DCP1A: variants seen among roughly 807,000 people sequenced by gnomAD.
The protein encoded by DCP1A is decapping mRNA 1A.
Under a neutral mutation model 58.0 loss-of-function variants are expected in DCP1A, and 20 were observed. The observed-to-expected ratio is 0.34, with a 90% confidence interval of 0.24 to 0.50. The LOEUF (loss-of-function observed/expected upper bound fraction) is 0.50, where lower values mean the gene tolerates loss of function less well. Ranked by LOEUF, DCP1A falls within the 20% of genes least tolerant of loss-of-function variation. DCP1A has a pLI of 0.98. For synonymous variants in DCP1A, 285 were observed against 275.1 expected (o/e 1.04, Z -0.36); for missense variants, 613 against 712.2 (o/e 0.86, Z 1.59).
At chr3:53,304,454 T>A (rs1553687769) in intron 5 of DCP1A, among the ~76,000 whole-genome samples, 164 bp from the exon 6 acceptor site, 1 of 152,194 alleles carries the variant, frequency 6.6e-6, no homozygotes, top group African/African-American at 2.4e-5. Context: ...TAACATGCAA[T>A]AAAATTTCTA....
Position 53,292,956 on chromosome 3 carries a change from A to C in DCP1A, c.625-129T>G, listed in dbSNP as rs1049457641. On this transcript the variant is annotated intron_variant, in intron 6 of 9. Coordinates refer to ENST00000610213, the MANE Select transcript of DCP1A (RefSeq NM_018403.7). Reference sequence around the variant, plus strand: ...GGAGTATCAAAATAAGGAACGGAAAAAACTGAAGATATACTAAGGATTAAG... The same window carrying C: ...GGAGTATCAAAATAAGGAACGGAAACAACTGAAGATATACTAAGGATTAAG... 9 of 948,210 alleles carry C rather than the reference A, an allele frequency of 9.5e-6. No individual in the cohort carries two copies. The South Asian group carries it at 1.6e-4, about 17-fold the overall frequency. 58.7% of individuals were successfully genotyped at this position (948,210 alleles called of 1,614,324 possible).
rs555136651 is a variant in DCP1A, at chr3:53,343,365, G to A, written c.177-1094C>T. Among the ~76,000 whole-genome samples the A allele has an allele frequency of 2.6e-5, 4 of 152,226 alleles. No individual in the cohort carries two copies. In the East Asian group the frequency reaches 5.8e-4, roughly 22 times the overall value. On this transcript the variant is annotated intron_variant, in intron 2 of 9. Coordinates refer to ENST00000610213, the MANE Select transcript of DCP1A (RefSeq NM_018403.7). ...AATAGTCTCACATTTTCCAAACACA[G>A]TTTCTTGCGTCTCCTTTAATTAGAA...
chr3:53,287,298 T>C lies in DCP1A; in HGVS notation c.*282A>G. 3.2e-6 allele frequency: 1 copy of C among 316,010 alleles called. No homozygotes were observed. Among genetic ancestry groups the C allele is most frequent in the Non-Finnish European group, 5.8e-6 (1 of 173,306 alleles). The allele number at this position is 316,010 out of a possible 1,614,324, so 19.6% of individuals were successfully genotyped here. On this transcript the variant is annotated 3_prime_UTR_variant, in exon 10 of 10. Transcript: ENST00000610213. ...ACTCCTTATTCCACAGCCTTGCTCC[T>C]AGCTGATGAAAACACCCACATAACT...
At chr3:53,318,235 T>C (rs1343448629) in intron 4 of DCP1A, among the ~76,000 whole-genome samples, 21 of 152,054 alleles carry the variant, frequency 1.4e-4, no homozygotes, top group African/African-American at 4.8e-4. Flanking sequence ...AGCCCAGAAG[T>C]TTGAGGCTGC....
At position 53,342,272 on chromosome 3, in the gene DCP1A, C is replaced by G; in HGVS notation, c.177-1G>C. On this transcript the variant is annotated splice_acceptor_variant, in intron 2 of 9. Transcript: ENST00000610213. LOFTEE classifies it high-confidence loss of function. ...AAAACCATGGTAAGGGGAAGCTGAC[C>G]TTAGATTTAATAGAAGAAAAAAAAA... is the stretch of plus-strand genomic sequence containing the variant. 6.3e-7 allele frequency: 1 copy of G among 1,590,150 alleles called. No homozygotes were observed. The highest frequency in any genetic ancestry group is 8.6e-7 in the Non-Finnish European group (1 of 1,165,440).
Position 53,342,287 on chromosome 3 carries a change from A to G in DCP1A, c.177-16T>C. ...GGAAGCTGACCTTAGATTTAATAGAAGAAAAAAAAATATGTAGTTACCATT... is the reference window on the plus strand; with the variant it reads ...GGAAGCTGACCTTAGATTTAATAGAGGAAAAAAAAATATGTAGTTACCATT... On this transcript the variant is annotated splice_polypyrimidine_tract_variant and intron_variant, in intron 2 of 9. Coordinates refer to ENST00000610213, the MANE Select transcript of DCP1A (RefSeq NM_018403.7). 1.9e-6 allele frequency: 3 copies of G among 1,557,606 alleles called. No homozygotes were observed. Among genetic ancestry groups the G allele is most frequent in the East Asian group, 2.3e-5 (1 of 43,842 alleles).
At chr3:53,303,463 C>T (rs1324571633) in intron 6 of DCP1A, among the ~76,000 whole-genome samples, 6 of 150,112 alleles carry the variant, frequency 4.0e-5, no homozygotes, top group African/African-American at 1.5e-4. Context: ...GACAGGGTTT[C>T]GTCAATTGGC....
intron 2 of DCP1A, among the ~76,000 whole-genome samples, chr3:53,343,963 G>A (rs1316296580): frequency 3.3e-5 from 5 of 151,996 alleles, no homozygotes; most frequent in Non-Finnish European, 7.4e-5. Context: ...CAAAGAAAGT[G>A]TCTAAGAAAA....
chr3:53,338,391 T>C (rs554412648), intron 3 of DCP1A, among the ~76,000 whole-genome samples: 143 of 152,170 alleles, frequency 9.4e-4, no homozygotes, highest in Non-Finnish European at 1.7e-3. Flanking sequence ...AAGACCAGCC[T>C]GGGCAACACA....
intron 3 of DCP1A, among the ~76,000 whole-genome samples, chr3:53,321,170 C>G (rs1707954763): frequency 6.6e-6 from 1 of 152,250 alleles, no homozygotes; most frequent in African/African-American, 2.4e-5. Flanking sequence ...TTGTAAGACA[C>G]TTTGCTGCTG....
intron 3 of DCP1A, among the ~76,000 whole-genome samples, chr3:53,325,477 CTG>C (rs1298321656): frequency 6.6e-6 from 1 of 152,062 alleles, no homozygotes; most frequent in African/African-American, 2.4e-5. Flanking sequence ...TCCTGAAACT[CTG>C]TGCTTGAGAA....
chr3:53,326,966 G>A (rs1270654148), intron 3 of DCP1A, among the ~76,000 whole-genome samples: 1 of 146,548 alleles, frequency 6.8e-6, no homozygotes, highest in Admixed American at 6.8e-5. Context: ...CCAAATGTTG[G>A]ACATGTCCAA....
intron 1 of DCP1A, among the ~76,000 whole-genome samples, chr3:53,345,261 C>A (rs1431739591): frequency 6.6e-6 from 1 of 152,060 alleles, no homozygotes; most frequent in Non-Finnish European, 1.5e-5. Context: ...AATATTTTAG[C>A]CAGATTTCTT....
rs899238497 is a variant in DCP1A, at chr3:53,316,252, A to C, written c.371+3155T>G. Among the ~76,000 whole-genome samples, 36 of 152,304 alleles carry C rather than the reference A, an allele frequency of 2.4e-4. 1 individual carries two copies. The highest frequency in any genetic ancestry group is 1.6e-4 in the Non-Finnish European group (11 of 68,036). ...AATATGTAGCAAACAACAACAACAA[A>C]AAGTAACAAACAGGTTTATGCAGGC... On this transcript the variant is annotated intron_variant, in intron 4 of 9. Transcript: ENST00000610213.
intron 2 of DCP1A, among the ~76,000 whole-genome samples, chr3:53,343,479 T>C (rs1427945045): frequency 1.3e-5 from 2 of 152,194 alleles, no homozygotes; most frequent in East Asian, 3.8e-4. Flanking sequence ...TGCCTCTGTA[T>C]GATAACAATA....
In DCP1A at chr3:53,291,687, T is replaced by C. The variant is rs1282795056; in HGVS notation, c.1383+382A>G. Among the ~76,000 whole-genome samples the C allele has an allele frequency of 2.0e-5, 3 of 152,156 alleles. No individual in the cohort carries two copies. The East Asian group carries it at 5.8e-4, about 29-fold the overall frequency. ...AAAAAATCAGCTTTATTTGACCTCA[T>C]ACCTTCGAGTCTAGGATGCTCTTAT... is the stretch of plus-strand genomic sequence containing the variant. On this transcript the variant is annotated intron_variant, in intron 7 of 9. Coordinates refer to ENST00000610213, the MANE Select transcript of DCP1A (RefSeq NM_018403.7).
rs1047226797 is a variant in DCP1A at position 53,346,871 on chromosome 3, C to G, written c.135+512G>C. Among the ~76,000 whole-genome samples the G allele has an allele frequency of 3.3e-5, 5 of 152,204 alleles. No individual in the cohort carries two copies. In the South Asian group the frequency reaches 1.0e-3, roughly 32 times the overall value. ...CGATTAAAGCCGGACCCACCCACCC[C>G]CTCCTTCCAAGAATCGAAACTAATT... On this transcript the variant is annotated intron_variant, in intron 1 of 9. Coordinates refer to ENST00000610213, the MANE Select transcript of DCP1A (RefSeq NM_018403.7).
chr3:53,346,433 G>C (rs949229627), intron 1 of DCP1A, among the ~76,000 whole-genome samples: 15 of 152,170 alleles, frequency 9.9e-5, no homozygotes, highest in Admixed American at 9.8e-4. Flanking sequence ...TCAGTTTAAG[G>C]ATTTCGTATC....
intron 3 of DCP1A, among the ~76,000 whole-genome samples, chr3:53,321,228 T>C (rs1342658582): frequency 6.6e-6 from 1 of 152,244 alleles, no homozygotes; most frequent in African/African-American, 2.4e-5. Context: ...TCTTTCTATC[T>C]TTCAGAGTTC....
Sources: gnomAD v4.1 joint callset for allele counts (sites outside exome capture counted in the v4.1 genomes callset) on GRCh38, gnomAD v4.1.1 for gene constraint, MANE v1.5 for transcripts, NCBI Gene and HGNC (gene_info 2026-07-23, HGNC 2026-07-21) for gene names.